Variants in DPH5 observed in about 807,000 individuals in gnomAD.
DPH5 encodes diphthine methyl ester synthase.
Under a neutral mutation model 31.6 loss-of-function variants are expected in DPH5, and 31 were observed. That is an observed-to-expected ratio of 0.98 (90% CI 0.74 to 1.32). The LOEUF (loss-of-function observed/expected upper bound fraction) is 1.32. Ranked by LOEUF, DPH5 falls within the 40% of genes most tolerant of loss-of-function variation. The pLI is 0.00. For synonymous variants in DPH5, 120 were observed against 115.0 expected, an observed-to-expected ratio of 1.04 and a Z score of -0.28; for missense variants, 309 against 335.7, an observed-to-expected ratio of 0.92 and a Z score of 0.62.
At chr1:101,001,672 A>T (rs1212628857) in intron 4 of DPH5, 85 bp from the exon 5 acceptor site, 1 of 1,109,510 alleles carries the variant, frequency 9.0e-7, no homozygotes, top group African/African-American at 1.6e-5. Flanking sequence ...TTACAACCAA[A>T]ATAAAAAGTG....
At chr1:100,998,967 T>C (rs553546654) in intron 5 of DPH5, among the ~76,000 whole-genome samples, 17 of 152,180 alleles carry the variant, frequency 1.1e-4, no homozygotes, top group Admixed American at 3.3e-4. Context: ...ATCACTGCTG[T>C]TGTGGCATGA....
intron 6 of DPH5, among the ~76,000 whole-genome samples, chr1:100,993,571 T>C (rs1293990780): frequency 1.9e-4 from 15 of 78,836 alleles, no homozygotes; most frequent in African/African-American, 7.5e-4. Context: ...TATATATATA[T>C]ATATATATAT....
At chr1:101,014,432 T>A (rs959906430) in intron 3 of DPH5, among the ~76,000 whole-genome samples, 10 of 152,238 alleles carry the variant, frequency 6.6e-5, no homozygotes, top group African/African-American at 2.4e-4. Flanking sequence ...CTGTTAAGTG[T>A]GTAACAGCAT....
At position 100,995,555 on chromosome 1, in the gene DPH5, G is replaced by C. The variant is rs547186050; in HGVS notation, c.491-406C>G. 4.4e-4 allele frequency: 69 copies of C among 156,546 alleles called. 2 individuals are homozygous for C. In the South Asian group the frequency reaches 0.01, roughly 23 times the overall value. The allele number at this position is 156,546 out of a possible 1,614,324, so 9.7% of individuals were successfully genotyped here. On this transcript the variant is annotated intron_variant, in intron 5 of 7. Coordinates refer to ENST00000370109, the MANE Select transcript of DPH5 (RefSeq NM_015958.3). ...AAAAATCTTTTCCACATTTAAAAAA[G>C]TCTTTTGCTTTCTGACGAATGTTAA...
intron 5 of DPH5, chr1:100,995,668 G>C (rs1371748617): frequency 6.5e-6 from 1 of 153,664 alleles, no homozygotes; most frequent in African/African-American, 2.4e-5. Context: ...GTCAGACGCT[G>C]CGTCAGAGAC....
Position 100,990,241 on chromosome 1 carries a change from C to T in DPH5, c.*167G>A. 1.6e-6 allele frequency: 1 copy of T among 634,326 alleles called. No individual in the cohort carries two copies. Among genetic ancestry groups the T allele is most frequent in the Non-Finnish European group, 2.7e-6 (1 of 364,078 alleles). The allele number at this position is 634,326 out of a possible 1,614,324, so 39.3% of individuals were successfully genotyped here. A position where few individuals can be genotyped will look rare whatever the true frequency, so the allele number is the denominator to read the frequency against. On this transcript the variant is annotated 3_prime_UTR_variant, in exon 8 of 8. Transcript: ENST00000370109. ...ATCAGATCTCATGAAAGCTCACTATCATGAGAATAGCATGAGGGAAACTGC... is the reference window on the plus strand; with the variant it reads ...ATCAGATCTCATGAAAGCTCACTATTATGAGAATAGCATGAGGGAAACTGC...
intron 2 of DPH5, among the ~76,000 whole-genome samples, chr1:101,023,929 CCT>C (rs1175228693): frequency 2.0e-5 from 3 of 152,102 alleles, no homozygotes; most frequent in African/African-American, 7.2e-5. Context: ...TATGCCATCC[CCT>C]GATATCTCAT....
intron 4 of DPH5, 141 bp downstream of exon 4, chr1:101,013,569 T>C: frequency 2.1e-6 from 1 of 483,382 alleles, no homozygotes; most frequent in Non-Finnish European, 3.5e-6. Flanking sequence ...AAAAATTCAG[T>C]CTATGTATAT....
chr1:100,993,732 A>T (rs1658059171), intron 6 of DPH5, among the ~76,000 whole-genome samples: 1 of 150,934 alleles, frequency 6.6e-6, no homozygotes. Context: ...TATTAACAAA[A>T]AAGTTTGTAA....
At chr1:101,021,817 AAC>A (rs67726104) in intron 2 of DPH5, 52 bp from the exon 3 acceptor site, 33,064 of 735,478 alleles carry the variant, frequency 0.045, 226 homozygotes, top group African/African-American at 0.096. Flanking sequence ...TGACCATTCT[AAC>A]ACACACACAC....
chr1:100,993,163 T>C (rs1657936971), intron 6 of DPH5, among the ~76,000 whole-genome samples: 1 of 152,150 alleles, frequency 6.6e-6, no homozygotes, highest in African/African-American at 2.4e-5. Flanking sequence ...AACTAAAGCA[T>C]CTTGGATGCT....
chr1:101,004,361 C>G (rs572021383), intron 4 of DPH5, among the ~76,000 whole-genome samples: 4 of 152,252 alleles, frequency 2.6e-5, no homozygotes, highest in Middle Eastern at 3.4e-3. Context: ...TTGCAGAAGC[C>G]TAAGTATTGA....
At chr1:100,990,683 C>A in intron 7 of DPH5, 52 bp from the exon 8 acceptor site, 1 of 1,548,482 alleles carries the variant, frequency 6.5e-7, no homozygotes, top group Non-Finnish European at 8.9e-7. Flanking sequence ...CATCATCCAT[C>A]CAACAGTCAA....
At chr1:101,011,809 T>C (rs1659700967) in intron 4 of DPH5, among the ~76,000 whole-genome samples, 1 of 152,156 alleles carries the variant, frequency 6.6e-6, no homozygotes, top group African/African-American at 2.4e-5. Flanking sequence ...TAAAAATGTA[T>C]GTCCTATTAG....
At chr1:101,007,325 T>G (rs1659305195) in intron 4 of DPH5, among the ~76,000 whole-genome samples, 1 of 152,220 alleles carries the variant, frequency 6.6e-6, no homozygotes, top group Non-Finnish European at 1.5e-5. Flanking sequence ...GGAAAATGGT[T>G]CTTCTAAAGC....
rs749204630 is a variant in DPH5, at chr1:100,990,449, G to T, written c.817C>A (p.Pro273Thr). The T allele has an allele frequency of 1.2e-5, 20 of 1,614,000 alleles. No homozygotes were observed. Among genetic ancestry groups the T allele is most frequent in the Non-Finnish European group, 1.6e-5 (19 of 1,179,956 alleles). ...EMEMLSLFSIPENSSESQSIN... is the reference protein window; with the variant it reads ...EMEMLSLFSITENSSESQSIN... ...CTTTGAGATTCTGAGCTATTTTCTG[G>T]TATGGAAAACAGACTTAGCATCTCC... Residue 273 changes from proline (P) to threonine (T), a missense_variant, in exon 8 of 8, where the codon CCA becomes ACA. Physicochemically the swap from Pro to Thr is conservative, Grantham distance 38. Transcript: ENST00000370109.
chr1:100,991,823 G>C (rs986638944), intron 7 of DPH5, among the ~76,000 whole-genome samples: 1 of 148,218 alleles, frequency 6.7e-6, no homozygotes. Context: ...TGGGCCAGGC[G>C]TGGTGGTTCA....
intron 3 of DPH5, among the ~76,000 whole-genome samples, chr1:101,019,801 A>T (rs574439014): frequency 1.3e-5 from 2 of 152,260 alleles, no homozygotes; most frequent in South Asian, 4.1e-4. Flanking sequence ...TGAATCACTA[A>T]GAAAGGGCAA....
rs12090113 is a variant in DPH5, at chr1:101,025,658, C to A, written c.-24+25G>T. ...ACCCTACCAGTTTTGCCTCTTGTTA[C>A]ACAAACCTAGGAGCAGCCAATTACC... On this transcript the variant is annotated intron_variant, in intron 1 of 7. Coordinates refer to ENST00000370109, the MANE Select transcript of DPH5 (RefSeq NM_015958.3). 95 of 581,550 alleles carry A rather than the reference C, an allele frequency of 1.6e-4. No individual in the cohort carries two copies. In the African/African-American group the frequency reaches 1.7e-3, roughly 10 times the overall value. The allele number at this position is 581,550 out of a possible 1,614,324, so 36.0% of individuals were successfully genotyped here. A position where few individuals can be genotyped will look rare whatever the true frequency, so the allele number is the denominator to read the frequency against.
Sources: gnomAD v4.1 joint callset for allele counts (sites outside exome capture counted in the v4.1 genomes callset) on GRCh38, gnomAD v4.1.1 for gene constraint, MANE v1.5 for transcripts, NCBI Gene and HGNC (gene_info 2026-07-23, HGNC 2026-07-21) for gene names.